Variants in VPS35L observed in about 807,000 individuals in gnomAD.
VPS35L encodes VPS35 endosomal protein sorting factor like, also known as VPS35 endosomal protein-sorting factor-like.
A neutral mutation model predicts 133.0 loss-of-function variants in VPS35L; 83 were observed. The ratio of observed to expected loss-of-function variants is 0.62; its 90% CI spans 0.52 to 0.75. The LOEUF is 0.75. VPS35L is among the 30% of genes least tolerant of loss of function. VPS35L has a pLI of 0.00. For missense variants in VPS35L, 1,083 were observed against 1,206.8 expected (o/e 0.90, Z 1.52); for synonymous variants, 423 against 449.9 (o/e 0.94, Z 0.76).
chr16:19,639,159 C>T lies in VPS35L; in HGVS notation c.1699-856C>T, dbSNP rs145437086. 2.4e-3 allele frequency among the ~76,000 whole-genome samples: 366 copies of T among 152,246 alleles called. No individual in the cohort carries two copies. Among genetic ancestry groups the T allele is most frequent in the Middle Eastern group, 0.024 (7 of 294 alleles). On this transcript the variant is annotated intron_variant, in intron 20 of 30. Coordinates refer to ENST00000417362, the MANE Select transcript of VPS35L (RefSeq NM_020314.7). This position sits in a 1 kb window ranked among gnomAD's most constrained non-coding sequence, Gnocchi z 4.1. ...TTTCTATTTAATATTTTCGGATGGC[C>T]GTTAACCGAGGATAACTGACACTAT... is the stretch of plus-strand genomic sequence containing the variant.
chr16:19,650,489 C>CAG (rs1974091189), intron 25 of VPS35L, 30 bp downstream of exon 25: 2 of 1,554,942 alleles, frequency 1.3e-6, no homozygotes, highest in Non-Finnish European at 1.8e-6. Context: ...ACTGTTGGAC[C>CAG]TCGAACTCCA....
intron 5 of VPS35L, among the ~76,000 whole-genome samples, chr16:19,575,579 AC>A (rs1323268529): frequency 6.7e-6 from 1 of 148,560 alleles, no homozygotes; most frequent in East Asian, 2.0e-4. Context: ...AAAAAAAAAT[AC>A]AGCCGGGCAC....
At chr16:19,568,625 A>C (rs1287015538) in intron 2 of VPS35L, among the ~76,000 whole-genome samples, 6 of 152,000 alleles carry the variant, frequency 3.9e-5, no homozygotes, top group Non-Finnish European at 8.8e-5. Flanking sequence ...ATCACCCAGG[A>C]AATCTCCTAG....
chr16:19,573,411 A>G, intron 4 of VPS35L, 170 bp downstream of exon 4: 1 of 712,040 alleles, frequency 1.4e-6, no homozygotes, highest in South Asian at 2.3e-5. Flanking sequence ...TGTTGTTGGC[A>G]GAAAAATGTG....
intron 18 of VPS35L, 42 bp downstream of exon 18, chr16:19,629,862 TTTCATGTTTATAATAGTGAATTAGCCTA>T: frequency 8.2e-6 from 13 of 1,584,338 alleles, no homozygotes; most frequent in Non-Finnish European, 1.1e-5. Flanking sequence ...AATTAGATTT[TTTCATGTTTATAATAGTGAATTAGCCTA>T]GTTTAGGTAT....
At position 19,633,132 on chromosome 16, in the gene VPS35L, A is replaced by G. The variant is rs779014329; in HGVS notation, c.1595A>G (p.His532Arg). The G allele has an allele frequency of 6.2e-7, 1 of 1,614,234 alleles. No homozygotes were observed. Among genetic ancestry groups the G allele is most frequent in the Non-Finnish European group, 8.5e-7 (1 of 1,180,042 alleles). ...ACCGTTTTGGCAGATGTCATCAAGC[A>G]CATGACTCCAGATCGTGCATTTGAA... ...VNTVLADVIKHMTPDRAFEDS... is the reference protein window; with the variant it reads ...VNTVLADVIKRMTPDRAFEDS... Residue 532 changes from histidine (H) to arginine (R), a missense_variant, in exon 19 of 31, where the codon CAC (histidine) becomes CGC (arginine). Coordinates refer to ENST00000417362, the MANE Select transcript of VPS35L (RefSeq NM_020314.7). This position sits in a 1 kb window ranked among gnomAD's most constrained non-coding sequence, Gnocchi z 4.1.
intron 23 of VPS35L, among the ~76,000 whole-genome samples, chr16:19,645,456 A>AT (rs1351161310): frequency 3.0e-4 from 45 of 151,916 alleles, no homozygotes; most frequent in African/African-American, 1.1e-3. Context: ...CGCCCGGCTA[A>AT]TTTTTTGTAT....
chr16:19,557,702 T>A (rs1970906020), intron 1 of VPS35L, among the ~76,000 whole-genome samples: 1 of 152,024 alleles, frequency 6.6e-6, no homozygotes, highest in Non-Finnish European at 1.5e-5. Flanking sequence ...AACATTTCCT[T>A]TTGAAGTATG....
At chr16:19,599,613 A>G (rs1461852242) in intron 8 of VPS35L, among the ~76,000 whole-genome samples, 1 of 150,742 alleles carries the variant, frequency 6.6e-6, no homozygotes, top group Non-Finnish European at 1.5e-5. Context: ...CATAGCTTCT[A>G]TCTCTGCCTC....
intron 26 of VPS35L, among the ~76,000 whole-genome samples, chr16:19,668,647 C>G (rs2151604780): frequency 1.3e-5 from 2 of 150,752 alleles, no homozygotes; most frequent in East Asian, 2.0e-4. Flanking sequence ...ATTTTGATGG[C>G]TATTTAACAA....
intron 28 of VPS35L, among the ~76,000 whole-genome samples, chr16:19,684,978 A>G (rs1368904239): frequency 1.3e-5 from 2 of 151,442 alleles, no homozygotes; most frequent in African/African-American, 4.9e-5. Flanking sequence ...GAATCGCTTG[A>G]GCTCAGGAGG....
intron 12 of VPS35L, among the ~76,000 whole-genome samples, chr16:19,610,895 T>C (rs1167918708): frequency 6.6e-6 from 1 of 152,162 alleles, no homozygotes; most frequent in Admixed American, 6.5e-5. Context: ...GTAGAGGGAC[T>C]GATTAGAAAT....
chr16:19,561,801 T>C (rs1458629339), intron 1 of VPS35L, among the ~76,000 whole-genome samples: 1 of 152,118 alleles, frequency 6.6e-6, no homozygotes, highest in Admixed American at 6.6e-5. Flanking sequence ...AGTGCACATG[T>C]CTTTTGTTAA....
At chr16:19,649,084 G>T (rs1028266240) in intron 24 of VPS35L, among the ~76,000 whole-genome samples, 4 of 151,962 alleles carry the variant, frequency 2.6e-5, no homozygotes, top group Non-Finnish European at 4.4e-5. Context: ...CACCTCCCGG[G>T]TTCAAGTGAT....
intron 26 of VPS35L, among the ~76,000 whole-genome samples, chr16:19,657,004 C>A (rs186929268): frequency 7.2e-6 from 1 of 138,402 alleles, no homozygotes. Context: ...CCTGCTCCGT[C>A]GTCCAGGCTG....
At chr16:19,605,957 T>TCA (rs1972525620) in intron 9 of VPS35L, among the ~76,000 whole-genome samples, 1 of 152,230 alleles carries the variant, frequency 6.6e-6, no homozygotes, top group Non-Finnish European at 1.5e-5. Context: ...CTTAAGGCAT[T>TCA]TGTGTTGAGC....
At chr16:19,665,107 G>T (rs1455760517) in intron 26 of VPS35L, among the ~76,000 whole-genome samples, 1 of 152,010 alleles carries the variant, frequency 6.6e-6, no homozygotes, top group African/African-American at 2.4e-5. Context: ...ATTCAGGCAG[G>T]CAGTGTATAA....
intron 26 of VPS35L, among the ~76,000 whole-genome samples, chr16:19,664,942 C>T (rs1974614458): frequency 6.6e-6 from 1 of 151,978 alleles, no homozygotes; most frequent in South Asian, 2.1e-4. Flanking sequence ...CCATGAACCC[C>T]AGAGGACTTG....
chr16:19,629,078 C>T (rs183056278), intron 17 of VPS35L, among the ~76,000 whole-genome samples: 23 of 152,226 alleles, frequency 1.5e-4, no homozygotes, highest in African/African-American at 4.8e-4. Context: ...GCCCGGCCTG[C>T]CATTTAAACT....
Sources: gnomAD v4.1 joint callset for allele counts (sites outside exome capture counted in the v4.1 genomes callset) on GRCh38, gnomAD v4.1.1 for gene constraint, Gnocchi (gnomAD v3.1) non-coding constraint, MANE v1.5 for transcripts, NCBI Gene and HGNC (gene_info 2026-07-23, HGNC 2026-07-21) for gene names.